Variants in PTGFRN observed in about 807,000 individuals in gnomAD.
The protein encoded by PTGFRN is prostaglandin F2 receptor inhibitor, also known as prostaglandin F2 receptor negative regulator.
A neutral mutation model predicts 83.2 loss-of-function variants in PTGFRN; 35 were observed. The ratio of observed to expected loss-of-function variants is 0.42; its 90% confidence interval spans 0.32 to 0.56. The LOEUF is 0.56. PTGFRN is among the 20% of genes least tolerant of loss of function. The probability of loss-of-function intolerance (pLI) is 0.11; values close to 1 mark genes in which losing one functional copy is unlikely to be tolerated. For synonymous variants in PTGFRN, 519 were observed against 498.6 expected, an observed-to-expected ratio of 1.04 and a Z score of -0.55; for missense variants, 1,051 against 1,179.5, an observed-to-expected ratio of 0.89 and a Z score of 1.60.
chr1:116,914,922 G>C (rs1016408711), intron 1 of PTGFRN, among the ~76,000 whole-genome samples: 2 of 151,964 alleles, frequency 1.3e-5, no homozygotes, highest in Non-Finnish European at 2.9e-5. Flanking sequence ...ACTATTTCTC[G>C]ATTGCATATC....
chr1:116,956,216 C>T (rs1466646724), intron 4 of PTGFRN, among the ~76,000 whole-genome samples: 2 of 152,154 alleles, frequency 1.3e-5, no homozygotes, highest in Non-Finnish European at 2.9e-5. Flanking sequence ...GAACCTGCCC[C>T]TCGTAAGTTC....
chr1:116,989,889 G>C lies in PTGFRN; in HGVS notation c.*2922G>C, dbSNP rs1038023779. 2.6e-5 allele frequency: 4 copies of C among 152,578 alleles called. No homozygotes were observed. The highest frequency in any genetic ancestry group is 4.4e-5 in the Non-Finnish European group (3 of 68,016). The allele number at this position is 152,578 out of a possible 1,614,324, so 9.5% of individuals were successfully genotyped here. A position where few individuals can be genotyped will look rare whatever the true frequency, so the allele number is the denominator to read the frequency against. ...GATCTTGGTAGAGGAGGCCCCTCCT[G>C]CCCAGACCTTCGTTTGTTTCCCCGG... On this transcript the variant is annotated 3_prime_UTR_variant, in exon 9 of 9. Coordinates refer to ENST00000393203, the MANE Select transcript of PTGFRN (RefSeq NM_020440.4).
At chr1:116,919,213 G>A (rs1360497925) in intron 1 of PTGFRN, among the ~76,000 whole-genome samples, 2 of 152,064 alleles carry the variant, frequency 1.3e-5, no homozygotes, top group African/African-American at 4.8e-5. Flanking sequence ...AGGAGAGAGG[G>A]GTGTGACTTA....
intron 4 of PTGFRN, among the ~76,000 whole-genome samples, chr1:116,954,162 A>T (rs997070754): frequency 6.6e-5 from 10 of 152,012 alleles, no homozygotes; most frequent in African/African-American, 2.2e-4. Flanking sequence ...CTGGCCCTTC[A>T]TGAGTATTTC....
At chr1:116,927,609 C>T (rs1177534971) in intron 1 of PTGFRN, among the ~76,000 whole-genome samples, 1 of 148,502 alleles carries the variant, frequency 6.7e-6, no homozygotes, top group Non-Finnish European at 1.5e-5. Context: ...TCATGACTCA[C>T]TGCAACCTTT....
intron 7 of PTGFRN, among the ~76,000 whole-genome samples, chr1:116,975,467 A>C (rs1002202317): frequency 3.3e-5 from 5 of 152,182 alleles, no homozygotes; most frequent in African/African-American, 7.2e-5. Context: ...AACTGGGAGG[A>C]ACCCCCCAGT....
chr1:116,983,745 G>A (rs1169668434), intron 7 of PTGFRN, among the ~76,000 whole-genome samples: 1 of 152,060 alleles, frequency 6.6e-6, no homozygotes, highest in African/African-American at 2.4e-5. Context: ...GTTATCTCTT[G>A]TTCGGCAAAA....
chr1:116,923,599 A>G lies in PTGFRN; in HGVS notation c.49+13347A>G, dbSNP rs958955799. ...ACAACCGTTTCCACCCCAGAATGGC[A>G]TAGGCTCCCTTCTTGGGCTTCGTCC... is the stretch of plus-strand genomic sequence containing the variant. On this transcript the variant is annotated intron_variant, in intron 1 of 8. Coordinates refer to ENST00000393203, the MANE Select transcript of PTGFRN (RefSeq NM_020440.4). This position sits in a 1 kb window ranked among gnomAD's most constrained non-coding sequence, Gnocchi z 4.0. Among the ~76,000 whole-genome samples, 10 of 152,156 alleles carry G rather than the reference A, an allele frequency of 6.6e-5. No homozygotes were observed. Among genetic ancestry groups the G allele is most frequent in the African/African-American group, 2.4e-4 (10 of 41,436 alleles).
chr1:116,950,278 TG>T (rs1228239424), intron 4 of PTGFRN, among the ~76,000 whole-genome samples: 1 of 152,236 alleles, frequency 6.6e-6, no homozygotes, highest in Non-Finnish European at 1.5e-5. Flanking sequence ...GTTTGCCCTC[TG>T]GGCAAAATGT....
intron 1 of PTGFRN, among the ~76,000 whole-genome samples, chr1:116,927,750 G>T (rs774664004): frequency 1.2e-4 from 18 of 151,904 alleles, no homozygotes; most frequent in Non-Finnish European, 2.2e-4. Context: ...GCCCAGGCTG[G>T]TCTTGCACTA....
At chr1:116,930,009 A>G (rs1334866560) in intron 1 of PTGFRN, among the ~76,000 whole-genome samples, 1 of 152,070 alleles carries the variant, frequency 6.6e-6, no homozygotes, top group Admixed American at 6.6e-5. Context: ...CTCTTTTCTC[A>G]GCACCCACCT....
In PTGFRN at chr1:116,988,520, C is replaced by T. The variant is rs1032676041; in HGVS notation, c.*1553C>T. On this transcript the variant is annotated 3_prime_UTR_variant, in exon 9 of 9. Coordinates refer to ENST00000393203, the MANE Select transcript of PTGFRN (RefSeq NM_020440.4). ...TTGCAATCCTCTGCTTTTATCTTGA[C>T]TTTGAAGGATCTAACACTGCTCTCT... The T allele has an allele frequency of 6.6e-6, 1 of 152,646 alleles. No homozygotes were observed. The highest frequency in any genetic ancestry group is 1.5e-5 in the Non-Finnish European group (1 of 68,080). The allele number at this position is 152,646 out of a possible 1,614,324, so 9.5% of individuals were successfully genotyped here.
At position 116,944,913 on chromosome 1, in the gene PTGFRN, G is replaced by C; in HGVS notation, c.653G>C (p.Gly218Ala). 2 of 1,612,524 alleles carry C rather than the reference G, an allele frequency of 1.2e-6. No homozygotes were observed. Among genetic ancestry groups the C allele is most frequent in the Non-Finnish European group, 1.7e-6 (2 of 1,179,960 alleles). Residue 218 changes from glycine to alanine, a missense_variant, in exon 3 of 9, where the codon GGG (glycine) becomes GCG (alanine). Coordinates refer to ENST00000393203, the MANE Select transcript of PTGFRN (RefSeq NM_020440.4). ...GLGYEQRYHS[G>A]DVRLDTVGSD... ...GGGTACGAGCAGCGCTACCACAGTG[G>C]GGACGTGCGCCTCGACACCGTGGGC...
intron 4 of PTGFRN, among the ~76,000 whole-genome samples, chr1:116,954,655 T>G (rs1194653619): frequency 6.6e-6 from 1 of 152,238 alleles, no homozygotes; most frequent in African/African-American, 2.4e-5. Context: ...TGAGAAAGAT[T>G]AATAACCTTG....
chr1:116,953,392 G>T (rs1328021354), intron 4 of PTGFRN, among the ~76,000 whole-genome samples: 5 of 152,198 alleles, frequency 3.3e-5, no homozygotes, highest in Non-Finnish European at 5.9e-5. Context: ...TATTCTGGAA[G>T]GCAGAAGTGC....
chr1:116,917,881 C>T (rs1344085738), intron 1 of PTGFRN, among the ~76,000 whole-genome samples: 1 of 152,156 alleles, frequency 6.6e-6, no homozygotes, highest in Non-Finnish European at 1.5e-5. Context: ...CCTCAGCCTC[C>T]CAAAATATCG....
rs77204667 is a variant in PTGFRN at position 116,954,610 on chromosome 1, G to A, written c.1213+5038G>A. Among the ~76,000 whole-genome samples, 148 of 152,294 alleles carry A rather than the reference G, an allele frequency of 9.7e-4. 1 individual carries two copies. The Middle Eastern group carries it at 0.014, about 14-fold the overall frequency. On this transcript the variant is annotated intron_variant, in intron 4 of 8. Transcript: ENST00000393203. ...GTTCAGGATTAGTGCTTCAGCTGTT[G>A]TCATCACTCTTGTCTTCCGGGACGT...
rs376771800 is a variant in PTGFRN, at chr1:116,964,582, T to C, written c.1640-2329T>C. Among the ~76,000 whole-genome samples the C allele has an allele frequency of 2.3e-4, 35 of 152,288 alleles. No individual in the cohort carries two copies. In the East Asian group the frequency reaches 2.7e-3, roughly 12 times the overall value. On this transcript the variant is annotated intron_variant, in intron 5 of 8. Transcript: ENST00000393203. ...CACCTTCTTGGTGATGTCTCTAATC[T>C]CATCAATTTAAATACCATCTAGAAA...
In PTGFRN at chr1:116,961,538, A is replaced by C; in HGVS notation, c.1509A>C (p.Gln503His). The C allele has an allele frequency of 6.2e-7, 1 of 1,614,170 alleles. No homozygotes were observed. The change falls in exon 5 of 9, where the codon CAA becomes CAC. Residue 503 changes from glutamine (Q) to histidine (H), a missense_variant. By Grantham distance (24) the Gln-to-His change is conservative. Around this residue, in one of 3 missense-constraint regions of PTGFRN, gnomAD observed 719 missense variants for 836.6 expected, o/e 0.86. Coordinates refer to ENST00000393203, the MANE Select transcript of PTGFRN (RefSeq NM_020440.4). This position sits in a 1 kb window ranked among gnomAD's most constrained non-coding sequence, Gnocchi z 5.4. Reference sequence around the variant, plus strand: ...CAGACACGTTCAATTTCCGGATCCAAAGGACTACAGAGGAAGACAGAGGCA... The same window carrying C: ...CAGACACGTTCAATTTCCGGATCCACAGGACTACAGAGGAAGACAGAGGCA... ...EHTDTFNFRI[Q>H]RTTEEDRGNY...
Sources: allele counts gnomAD v4.1 joint callset (sites outside exome capture counted in the v4.1 genomes callset), GRCh38; gene constraint gnomAD v4.1.1; regional missense constraint gnomAD v4.1.1; non-coding constraint Gnocchi (gnomAD v3.1); transcripts MANE v1.5; gene names NCBI Gene and HGNC (gene_info 2026-07-23, HGNC 2026-07-21).